Variants in MAGI1 observed in about 807,000 individuals in gnomAD.
MAGI1 encodes the protein membrane associated guanylate kinase, WW and PDZ domain containing 1, also known as membrane-associated guanylate kinase, WW and PDZ domain-containing protein 1.
In MAGI1, 58 loss-of-function variants were observed where a neutral mutation model predicts 139.9. The observed-to-expected ratio is 0.41, with a 90% CI of 0.34 to 0.52. The LOEUF (loss-of-function observed/expected upper bound fraction) is 0.52. Ranked by LOEUF, MAGI1 falls within the 20% of genes least tolerant of loss-of-function variation. The pLI is 0.12. For missense variants in MAGI1, 1,874 were observed against 1,901.6 expected, an observed-to-expected ratio of 0.99 and a Z score of 0.27; for synonymous variants, 812 against 737.9, an observed-to-expected ratio of 1.10 and a Z score of -1.63.
chr3:66,032,468 C>T (rs1190159169), intron 1 of MAGI1, among the ~76,000 whole-genome samples: 1 of 151,150 alleles, frequency 6.6e-6, no homozygotes, highest in Admixed American at 6.6e-5. Context: ...GATCCACCCA[C>T]CTCGGCCTCC....
At chr3:65,969,420 C>T (rs1172768650) in intron 1 of MAGI1, among the ~76,000 whole-genome samples, 1 of 152,182 alleles carries the variant, frequency 6.6e-6, no homozygotes, top group Non-Finnish European at 1.5e-5. Flanking sequence ...TCCCCCTCCT[C>T]GTAGTTGCAA....
chr3:66,011,081 C>A (rs991664259), intron 1 of MAGI1, among the ~76,000 whole-genome samples: 6 of 152,176 alleles, frequency 3.9e-5, no homozygotes, highest in Non-Finnish European at 7.3e-5. Flanking sequence ...TAATAGAGGG[C>A]TAGAGTTCAG....
intron 1 of MAGI1, among the ~76,000 whole-genome samples, chr3:65,993,935 ATC>A (rs2066304967): frequency 6.6e-6 from 1 of 152,132 alleles, no homozygotes; most frequent in Non-Finnish European, 1.5e-5. Context: ...GAAGTTTACC[ATC>A]TCCTAAATAA....
chr3:65,768,413 C>G (rs971521909), intron 1 of MAGI1, among the ~76,000 whole-genome samples: 1 of 150,820 alleles, frequency 6.6e-6, no homozygotes, highest in African/African-American at 2.4e-5. Flanking sequence ...GAGCAAGATT[C>G]AATCTCAAAA....
chr3:65,942,399 G>C (rs142967364), intron 1 of MAGI1, among the ~76,000 whole-genome samples: 2 of 152,086 alleles, frequency 1.3e-5, no homozygotes, highest in African/African-American at 4.8e-5. Context: ...CTATCTTTTA[G>C]TAGCCTCAAA....
intron 1 of MAGI1, among the ~76,000 whole-genome samples, chr3:66,033,423 G>GTAGCTA (rs2068748353): frequency 3.9e-5 from 6 of 152,186 alleles, no homozygotes; most frequent in Admixed American, 3.9e-4. Context: ...TATAAATCAG[G>GTAGCTA]GTCTACCCAC....
intron 1 of MAGI1, among the ~76,000 whole-genome samples, chr3:65,635,560 A>T (rs2084563310): frequency 6.6e-6 from 1 of 152,244 alleles, no homozygotes; most frequent in African/African-American, 2.4e-5. Context: ...GAGAACACTC[A>T]GCCAAGGCAT....
intron 1 of MAGI1, among the ~76,000 whole-genome samples, chr3:65,854,047 G>T (rs574009968): frequency 6.6e-6 from 1 of 152,186 alleles, no homozygotes; most frequent in South Asian, 2.1e-4. Context: ...GGTGGAGGTT[G>T]CAGTGAGCCA....
intron 1 of MAGI1, among the ~76,000 whole-genome samples, chr3:65,690,591 C>T (rs1193530883): frequency 6.6e-6 from 1 of 151,860 alleles, no homozygotes; most frequent in Non-Finnish European, 1.5e-5. Context: ...ATTCTCGTAC[C>T]TCAGCCTCTC....
intron 1 of MAGI1, among the ~76,000 whole-genome samples, chr3:65,977,870 C>T (rs2065346664): frequency 6.6e-6 from 1 of 152,154 alleles, no homozygotes; most frequent in South Asian, 2.1e-4. Context: ...GAATTGTTGG[C>T]ACTGCTCCCT....
At chr3:65,777,237 G>T (rs1194325063) in intron 1 of MAGI1, among the ~76,000 whole-genome samples, 1 of 152,150 alleles carries the variant, frequency 6.6e-6, no homozygotes, top group Non-Finnish European at 1.5e-5. Context: ...CCTCAGAGAA[G>T]TTCCTTAGCC....
intron 2 of MAGI1, among the ~76,000 whole-genome samples, chr3:65,500,595 T>C (rs554627158): frequency 6.6e-6 from 1 of 152,364 alleles, no homozygotes; most frequent in South Asian, 2.1e-4. Flanking sequence ...GACATTCTCT[T>C]GAAATATCCA....
At chr3:65,616,029 T>C (rs1047163042) in intron 2 of MAGI1, among the ~76,000 whole-genome samples, 3 of 152,174 alleles carry the variant, frequency 2.0e-5, no homozygotes, top group African/African-American at 4.8e-5. Context: ...GCCATGAAAG[T>C]CCTCTGTTGG....
chr3:65,814,605 C>T (rs1385010316), intron 1 of MAGI1, among the ~76,000 whole-genome samples: 1 of 152,160 alleles, frequency 6.6e-6, no homozygotes, highest in African/African-American at 2.4e-5. Flanking sequence ...GCTAAGAAAG[C>T]AAGCACTTCA....
At chr3:65,631,188 T>C (rs573654818) in intron 1 of MAGI1, among the ~76,000 whole-genome samples, 2 of 152,158 alleles carry the variant, frequency 1.3e-5, no homozygotes, top group South Asian at 4.1e-4. Context: ...CTAGAACTGA[T>C]ACAGTTTGGT....
chr3:65,806,371 G>C (rs1230916957), intron 1 of MAGI1, among the ~76,000 whole-genome samples: 1 of 152,070 alleles, frequency 6.6e-6, no homozygotes, highest in East Asian at 1.9e-4. Context: ...AGAGGTTGCA[G>C]TGAGCTGAGA....
intron 1 of MAGI1, among the ~76,000 whole-genome samples, chr3:65,689,178 T>C (rs78793762): frequency 2.5e-3 from 376 of 152,342 alleles, no homozygotes; most frequent in African/African-American, 8.6e-3. Flanking sequence ...CTAGGAGCAC[T>C]TCCCTTGAAC....
At chr3:65,591,696 T>C (rs939893942) in intron 2 of MAGI1, among the ~76,000 whole-genome samples, 6 of 152,182 alleles carry the variant, frequency 3.9e-5, no homozygotes, top group Non-Finnish European at 5.9e-5. Context: ...CTCTGACCTC[T>C]CCTCCCATAG....
intron 1 of MAGI1, among the ~76,000 whole-genome samples, chr3:65,988,619 C>T (rs375460859): frequency 6.6e-6 from 1 of 152,158 alleles, no homozygotes; most frequent in Non-Finnish European, 1.5e-5. Flanking sequence ...ATCAGATCAG[C>T]CTGTAGTTTT....
Sources: allele counts gnomAD v4.1 joint callset (sites outside exome capture counted in the v4.1 genomes callset), GRCh38; gene constraint gnomAD v4.1.1; transcripts MANE v1.5; gene names NCBI Gene and HGNC (gene_info 2026-07-23, HGNC 2026-07-21).